The following SFMBT2 variants were observed in gnomAD, a reference collection of about 807,000 sequenced individuals.
The protein encoded by SFMBT2 is Scm like with four mbt domains 2, also known as scm-like with four MBT domains protein 2.
In SFMBT2, 38 loss-of-function variants were observed where a neutral mutation model predicts 110.1. The observed-to-expected ratio is 0.35, with a 90% CI of 0.27 to 0.45. The LOEUF (loss-of-function observed/expected upper bound fraction) is 0.45. Ranked by LOEUF, SFMBT2 falls within the 20% of genes least tolerant of loss-of-function variation. SFMBT2 has a pLI of 1.00. For missense variants in SFMBT2, 1,011 were observed against 1,094.9 expected (o/e 0.92, Z 1.08); for synonymous variants, 425 against 425.4 (o/e 1.00, Z 0.01).
chr10:7,379,565 C>T (rs1344860214), intron 2 of SFMBT2, among the ~76,000 whole-genome samples: 1 of 152,116 alleles, frequency 6.6e-6, no homozygotes, highest in East Asian at 1.9e-4. Flanking sequence ...GAGTCTGTAT[C>T]GTCATCTAAA....
At chr10:7,284,214 T>G in intron 5 of SFMBT2, 64 bp from the exon 6 acceptor site, 1 of 1,573,610 alleles carries the variant, frequency 6.4e-7, no homozygotes, top group Non-Finnish European at 8.6e-7. Flanking sequence ...TGGAAACAGA[T>G]GACAGCAGAA....
Position 7,283,796 on chromosome 10 carries a change from C to T in SFMBT2, c.772+108G>A, listed in dbSNP as rs1001519875. On this transcript the variant is annotated intron_variant, in intron 6 of 20. Coordinates refer to ENST00000397167, the MANE Select transcript of SFMBT2 (RefSeq NM_001387889.1). Reference sequence around the variant, plus strand: ...TTAAAGTGCTTAATATTCACATACTCAGATATAAAAGATACCAGAAAGCTC... The same window carrying T: ...TTAAAGTGCTTAATATTCACATACTTAGATATAAAAGATACCAGAAAGCTC... 9 of 811,914 alleles carry T rather than the reference C, an allele frequency of 1.1e-5. No homozygotes were observed. The African/African-American group carries it at 1.4e-4, about 12-fold the overall frequency. The allele number at this position is 811,914 out of a possible 1,614,324, so 50.3% of individuals were successfully genotyped here. A position where few individuals can be genotyped will look rare whatever the true frequency, so the allele number is the denominator to read the frequency against.
At chr10:7,248,046 A>C (rs140606275) in intron 8 of SFMBT2, among the ~76,000 whole-genome samples, 1 of 152,224 alleles carries the variant, frequency 6.6e-6, no homozygotes, top group South Asian at 2.1e-4. Context: ...CTAACAGATC[A>C]TTATAAAAAT....
At chr10:7,394,092 C>G (rs1368048006) in intron 1 of SFMBT2, among the ~76,000 whole-genome samples, 6 of 151,960 alleles carry the variant, frequency 3.9e-5, no homozygotes, top group Non-Finnish European at 8.8e-5. Context: ...CTCCGCCTCC[C>G]GGGTTCAAGA....
At position 7,277,862 on chromosome 10, in the gene SFMBT2, C is replaced by T. The variant is rs540862151; in HGVS notation, c.773-873G>A. Among the ~76,000 whole-genome samples, 4 of 152,304 alleles carry T rather than the reference C, an allele frequency of 2.6e-5. No individual in the cohort carries two copies. In the East Asian group the frequency reaches 5.8e-4, roughly 22 times the overall value. ...AGCACAGTTAAAAAGCAACAGTAAA[C>T]CTTTGGGACTGTATTTTTAATTTCT... On this transcript the variant is annotated intron_variant, in intron 6 of 20. Transcript: ENST00000397167.
chr10:7,208,139 G>A (rs909365724), intron 11 of SFMBT2, among the ~76,000 whole-genome samples: 5 of 152,036 alleles, frequency 3.3e-5, no homozygotes, highest in Non-Finnish European at 5.9e-5. Context: ...CAGACAAAAC[G>A]TAAAGAGACT....
In SFMBT2 at chr10:7,205,820, G is replaced by A. The variant is rs1213276522; in HGVS notation, c.1439C>T (p.Thr480Ile). The change falls in exon 12 of 21, where the codon ACA (threonine) becomes ATA (isoleucine). Residue 480 changes from threonine (T) to isoleucine (I), a missense_variant. Thr to Ile is a moderately conservative substitution (Grantham distance 89, BLOSUM62 -1). Transcript: ENST00000397167. ...NSYPLTAPHK[T>I]VSQKKRKIAV... is the part of the protein sequence containing the mutation. ...CTCAACTGGGAACCACTTACAGACTGTTTTGTGTGGTGCAGTCAAAGGATA... is the reference window on the plus strand; with the variant it reads ...CTCAACTGGGAACCACTTACAGACTATTTTGTGTGGTGCAGTCAAAGGATA... 4 of 1,613,914 alleles carry A rather than the reference G, an allele frequency of 2.5e-6. No individual in the cohort carries two copies. The highest frequency in any genetic ancestry group is 1.1e-5 in the South Asian group (1 of 91,054).
chr10:7,321,169 C>A lies in SFMBT2; in HGVS notation c.437-35215G>T, dbSNP rs1843173581. ...CTCTTCTTTGAAAAGGAGAGGGTAACCCTAAGTTTCACTGAGGCATTTATG... is the reference window on the plus strand; with the variant it reads ...CTCTTCTTTGAAAAGGAGAGGGTAAACCTAAGTTTCACTGAGGCATTTATG... On this transcript the variant is annotated intron_variant, in intron 4 of 20. Transcript: ENST00000397167. 2.0e-5 allele frequency among the ~76,000 whole-genome samples: 3 copies of A among 151,378 alleles called. No individual in the cohort carries two copies. The South Asian group carries it at 6.2e-4, about 32-fold the overall frequency.
At chr10:7,230,993 T>C (rs1225878122) in intron 9 of SFMBT2, among the ~76,000 whole-genome samples, 1 of 152,158 alleles carries the variant, frequency 6.6e-6, no homozygotes, top group Non-Finnish European at 1.5e-5. Flanking sequence ...TTTAGATCCC[T>C]CTGCTGTCAC....
intron 20 of SFMBT2, among the ~76,000 whole-genome samples, chr10:7,165,122 T>G (rs1433997509): frequency 1.3e-5 from 2 of 152,012 alleles, no homozygotes; most frequent in Non-Finnish European, 2.9e-5. Context: ...CCAGAGGGAG[T>G]CACTGAGGGG....
chr10:7,202,830 A>C, intron 12 of SFMBT2: 6 of 985,412 alleles, frequency 6.1e-6, no homozygotes, highest in Non-Finnish European at 7.2e-6. Flanking sequence ...ATTAGCACAC[A>C]TGTTCAGATC....
At chr10:7,331,460 A>C (rs1331007347) in intron 4 of SFMBT2, among the ~76,000 whole-genome samples, 1 of 152,228 alleles carries the variant, frequency 6.6e-6, no homozygotes, top group Non-Finnish European at 1.5e-5. Flanking sequence ...ACAGGATGTC[A>C]GAGTCGGAAA....
intron 4 of SFMBT2, among the ~76,000 whole-genome samples, chr10:7,307,368 G>A (rs1164395086): frequency 6.6e-6 from 1 of 152,098 alleles, no homozygotes; most frequent in Non-Finnish European, 1.5e-5. Flanking sequence ...GAAGTAAAGT[G>A]TCCCAAGGAG....
At chr10:7,336,250 C>T (rs1254589634) in intron 4 of SFMBT2, among the ~76,000 whole-genome samples, 1 of 152,186 alleles carries the variant, frequency 6.6e-6, no homozygotes, top group Non-Finnish European at 1.5e-5. Context: ...AGCTAGGATT[C>T]TCTCTGGATA....
At chr10:7,407,048 G>C (rs971139019) in intron 1 of SFMBT2, among the ~76,000 whole-genome samples, 4 of 152,144 alleles carry the variant, frequency 2.6e-5, no homozygotes, top group African/African-American at 9.7e-5. Flanking sequence ...CAGGCAGCTT[G>C]GTCCCAGCAA....
chr10:7,314,826 T>C (rs894815585), intron 4 of SFMBT2, among the ~76,000 whole-genome samples: 6 of 151,718 alleles, frequency 4.0e-5, no homozygotes, highest in Non-Finnish European at 7.4e-5. Flanking sequence ...GAGAACCTTT[T>C]GAACTCAAGA....
chr10:7,311,830 G>A (rs1842865605), intron 4 of SFMBT2, among the ~76,000 whole-genome samples: 1 of 152,112 alleles, frequency 6.6e-6, no homozygotes, highest in African/African-American at 2.4e-5. Context: ...GGAGTTAGTG[G>A]GCAGTTGAAG....
At chr10:7,215,372 T>C (rs1049586806) in intron 11 of SFMBT2, among the ~76,000 whole-genome samples, 1 of 152,194 alleles carries the variant, frequency 6.6e-6, no homozygotes, top group African/African-American at 2.4e-5. Context: ...CACACTCCAG[T>C]CTGGGTGACA....
chr10:7,376,515 T>C (rs372949513), intron 2 of SFMBT2, among the ~76,000 whole-genome samples: 1 of 151,088 alleles, frequency 6.6e-6, no homozygotes, highest in South Asian at 2.1e-4. Context: ...CTGGCTGACA[T>C]GGTGAAACTC....
Sources: allele counts gnomAD v4.1 joint callset (sites outside exome capture counted in the v4.1 genomes callset), GRCh38; gene constraint gnomAD v4.1.1; transcripts MANE v1.5; gene names NCBI Gene and HGNC (gene_info 2026-07-23, HGNC 2026-07-21).